KCND2: variants seen among roughly 807,000 people sequenced by gnomAD.
KCND2 encodes the protein potassium voltage-gated channel subfamily D member 2.
In KCND2, 16 loss-of-function variants were observed where a neutral mutation model predicts 54.4. The ratio of observed to expected loss-of-function variants is 0.29; its 90% confidence interval spans 0.20 to 0.45. The LOEUF (loss-of-function observed/expected upper bound fraction) is 0.45. Ranked by LOEUF, KCND2 falls within the 20% of genes least tolerant of loss-of-function variation. The probability of loss-of-function intolerance (pLI) is 1.00; values close to 1 mark genes in which losing one functional copy is unlikely to be tolerated. For synonymous variants in KCND2, 317 were observed against 310.7 expected, an observed-to-expected ratio of 1.02 and a Z score of -0.21; for missense variants, 486 against 824.2, an observed-to-expected ratio of 0.59 and a Z score of 5.02.
intron 1 of KCND2, among the ~76,000 whole-genome samples, chr7:120,629,719 A>T (rs1214003176): frequency 6.6e-6 from 1 of 152,184 alleles, no homozygotes; most frequent in Admixed American, 6.5e-5. Context: ...TTGGTAATGC[A>T]GTTGGAATGG....
chr7:120,628,199 C>T (rs182251625), intron 1 of KCND2, among the ~76,000 whole-genome samples: 90 of 152,164 alleles, frequency 5.9e-4, no homozygotes, highest in African/African-American at 2.0e-3. Flanking sequence ...AAAAAATAAG[C>T]GAACACTCAA....
chr7:120,566,614 G>A (rs890216352), intron 1 of KCND2, among the ~76,000 whole-genome samples: 2 of 152,102 alleles, frequency 1.3e-5, no homozygotes, highest in East Asian at 3.9e-4. Context: ...CCAAAGTGCT[G>A]AGATTATAGG....
chr7:120,522,787 A>G (rs762714769), intron 1 of KCND2, among the ~76,000 whole-genome samples: 10 of 152,168 alleles, frequency 6.6e-5, no homozygotes, highest in Non-Finnish European at 1.5e-4. Flanking sequence ...CCTAGGTTCT[A>G]TGTTTCTGAA....
chr7:120,556,292 C>T (rs958843025), intron 1 of KCND2, among the ~76,000 whole-genome samples: 2 of 152,100 alleles, frequency 1.3e-5, no homozygotes, highest in African/African-American at 2.4e-5. Context: ...TCACAATGAA[C>T]AATCTTTGTA....
At chr7:120,488,236 G>A (rs180910652) in intron 1 of KCND2, among the ~76,000 whole-genome samples, 461 of 151,992 alleles carry the variant, frequency 3.0e-3, no homozygotes, top group African/African-American at 0.011. Context: ...CATATAAAAG[G>A]CATGAAGTAA....
intron 1 of KCND2, among the ~76,000 whole-genome samples, chr7:120,667,802 G>C (rs73423762): frequency 6.6e-6 from 1 of 151,756 alleles, no homozygotes; most frequent in African/African-American, 2.4e-5. Context: ...AAAATAAAAC[G>C]AGAACAAAGA....
At chr7:120,464,131 T>A (rs1198088586) in intron 1 of KCND2, 6 of 909,874 alleles carry the variant, frequency 6.6e-6, no homozygotes, top group Non-Finnish European at 7.9e-6. Flanking sequence ...TCATTTAGAC[T>A]ATACTGCTAT....
At chr7:120,373,547 G>T (rs1800794250) in intron 1 of KCND2, among the ~76,000 whole-genome samples, 1 of 151,850 alleles carries the variant, frequency 6.6e-6, no homozygotes, top group Non-Finnish European at 1.5e-5. Context: ...CTGTGCTGTT[G>T]TAAGGAGGAA....
At chr7:120,442,332 G>C (rs1801956641) in intron 1 of KCND2, among the ~76,000 whole-genome samples, 1 of 152,068 alleles carries the variant, frequency 6.6e-6, no homozygotes, top group Admixed American at 6.6e-5. Flanking sequence ...GCCTTTAAAT[G>C]AGGCATGCTC....
chr7:120,646,690 A>T (rs1437886219), intron 1 of KCND2, among the ~76,000 whole-genome samples: 2 of 152,246 alleles, frequency 1.3e-5, no homozygotes, highest in Admixed American at 6.5e-5. Flanking sequence ...AAGTTATTTT[A>T]AAAAACTGTA....
At chr7:120,455,314 G>T (rs1802179646) in intron 1 of KCND2, among the ~76,000 whole-genome samples, 1 of 152,084 alleles carries the variant, frequency 6.6e-6, no homozygotes, top group Admixed American at 6.6e-5. Flanking sequence ...AACCAAAACA[G>T]CATGACACTG....
At chr7:120,499,398 A>T (rs1394591593) in intron 1 of KCND2, among the ~76,000 whole-genome samples, 1 of 151,730 alleles carries the variant, frequency 6.6e-6, no homozygotes, top group African/African-American at 2.4e-5. Flanking sequence ...ACAGAAAACC[A>T]CGTATTTTTT....
chr7:120,283,875 C>T (rs1799300930), intron 1 of KCND2, among the ~76,000 whole-genome samples: 1 of 151,998 alleles, frequency 6.6e-6, no homozygotes. Flanking sequence ...GGCTTACATA[C>T]CTTAAAATCT....
At chr7:120,448,270 A>G (rs561287243) in intron 1 of KCND2, among the ~76,000 whole-genome samples, 9 of 151,852 alleles carry the variant, frequency 5.9e-5, no homozygotes, top group East Asian at 5.8e-4. Flanking sequence ...ATTAATGAGA[A>G]CATGCAGTGT....
chr7:120,675,940 C>T (rs1792055826), intron 1 of KCND2, among the ~76,000 whole-genome samples: 1 of 151,296 alleles, frequency 6.6e-6, no homozygotes, highest in Admixed American at 6.6e-5. Context: ...TCACTGCAAC[C>T]TCCGCCTCTT....
chr7:120,559,902 C>T (rs1792212708), intron 1 of KCND2, among the ~76,000 whole-genome samples: 1 of 152,080 alleles, frequency 6.6e-6, no homozygotes, highest in African/African-American at 2.4e-5. Context: ...TTCCTAAGGA[C>T]ATATTGTGAG....
chr7:120,354,468 T>G (rs573006712), intron 1 of KCND2, among the ~76,000 whole-genome samples: 25 of 152,310 alleles, frequency 1.6e-4, no homozygotes, highest in African/African-American at 5.1e-4. Flanking sequence ...TGGTTTAAAA[T>G]GTAACAGTAT....
chr7:120,301,644 A>G (rs1005878215), intron 1 of KCND2, among the ~76,000 whole-genome samples: 5 of 152,150 alleles, frequency 3.3e-5, no homozygotes, highest in African/African-American at 1.2e-4. Context: ...GAGGAATAAT[A>G]TATTGTAACT....
chr7:120,315,765 AGT>A (rs59537613), intron 1 of KCND2, among the ~76,000 whole-genome samples: 2,008 of 137,516 alleles, frequency 0.015, 38 homozygotes, highest in African/African-American at 0.044. Context: ...TTCCATAAGC[AGT>A]GTGTGTGTGT....
Sources: allele counts gnomAD v4.1 joint callset (sites outside exome capture counted in the v4.1 genomes callset), GRCh38; gene constraint gnomAD v4.1.1; transcripts MANE v1.5; gene names NCBI Gene and HGNC (gene_info 2026-07-23, HGNC 2026-07-21).